Variants in AP3M1 observed in about 807,000 individuals in gnomAD.
AP3M1 encodes AP-3 complex subunit mu-1.
A neutral mutation model predicts 42.6 loss-of-function variants in AP3M1; 29 were observed. The observed-to-expected ratio is 0.68, with a 90% CI of 0.51 to 0.93. AP3M1 has a LOEUF of 0.93. AP3M1 is among the 40% of genes least tolerant of loss of function. AP3M1 has a pLI of 0.00. For synonymous variants in AP3M1, 178 were observed against 175.3 expected (o/e 1.02, Z -0.12); for missense variants, 416 against 510.2 (o/e 0.82, Z 1.78).
intron 1 of AP3M1, among the ~76,000 whole-genome samples, chr10:74,147,200 G>A (rs1223523473): frequency 6.6e-6 from 1 of 152,090 alleles, no homozygotes; most frequent in Non-Finnish European, 1.5e-5. Context: ...CAGGAGAATC[G>A]CTTGAACCCG....
intron 1 of AP3M1, among the ~76,000 whole-genome samples, chr10:74,139,683 C>T (rs553087818): frequency 1.3e-4 from 20 of 151,452 alleles, no homozygotes; most frequent in Admixed American, 6.6e-4. Flanking sequence ...TTTGGGAGGC[C>T]GAGGTGGGTG....
In AP3M1 at chr10:74,126,203, A is replaced by G; in HGVS notation, c.956T>C (p.Leu319Pro). Residue 319 changes from leucine to proline, a missense_variant, in exon 7 of 9, where the codon CTG (leucine) becomes CCG (proline). By Grantham distance (98) the Leu-to-Pro change is moderately conservative (BLOSUM62 -3). Coordinates refer to ENST00000355264, the MANE Select transcript of AP3M1 (RefSeq NM_012095.6). ...TTGTGTGGGTGTCAGGTTCATGTTC[A>G]GCACAACTTTTGGCATGTGAACTGT... is the stretch of plus-strand genomic sequence containing the variant. ...TVTVHMPKVVLNMNLTPTQGS... is the reference protein window; with the variant it reads ...TVTVHMPKVVPNMNLTPTQGS... 3 of 1,614,212 alleles carry G rather than the reference A, an allele frequency of 1.9e-6. No homozygotes were observed. Among genetic ancestry groups the G allele is most frequent in the South Asian group, 1.1e-5 (1 of 91,086 alleles).
intron 1 of AP3M1, among the ~76,000 whole-genome samples, chr10:74,141,061 C>A (rs73282424): frequency 6.6e-6 from 1 of 152,096 alleles, no homozygotes; most frequent in Non-Finnish European, 1.5e-5. Context: ...AGGACATTAT[C>A]AAGAAAGCAA....
At position 74,138,161 on chromosome 10, in the gene AP3M1, T is replaced by C. The variant is rs748246004; in HGVS notation, c.219A>G (p.Glu73=). The C allele has an allele frequency of 1.9e-6, 3 of 1,614,046 alleles. No individual in the cohort carries two copies. In the African/African-American group the frequency reaches 4.0e-5, roughly 22 times the overall value. ...ACTCAATTACAAAGAGAGGTGGCAC[T>C]TCGGTCTGTATGACAGATACAAAGA... ...KLFFVSVIQT[E]VPPLFVIEFL... Residue 73 remains glutamate (E), a synonymous_variant, in exon 2 of 9, where the codon GAA becomes GAG. Coordinates refer to ENST00000355264, the MANE Select transcript of AP3M1 (RefSeq NM_012095.6).
At chr10:74,133,804 G>A (rs1413647661) in intron 4 of AP3M1, among the ~76,000 whole-genome samples, 5 of 151,522 alleles carry the variant, frequency 3.3e-5, no homozygotes, top group Non-Finnish European at 7.4e-5. Flanking sequence ...ACAGGTGCGC[G>A]CCACCATGCC....
chr10:74,143,348 C>A (rs966864154), intron 1 of AP3M1, among the ~76,000 whole-genome samples: 2 of 152,162 alleles, frequency 1.3e-5, no homozygotes, highest in African/African-American at 2.4e-5. Context: ...CTCCCATGGG[C>A]AAGCAATTCT....
intron 6 of AP3M1, among the ~76,000 whole-genome samples, chr10:74,126,715 G>A (rs759165080): frequency 3.3e-5 from 5 of 151,858 alleles, no homozygotes; most frequent in African/African-American, 7.3e-5. Flanking sequence ...AGGGCTGGGC[G>A]CGGTGGCTCA....
chr10:74,127,173 G>C (rs1001971386), intron 6 of AP3M1, among the ~76,000 whole-genome samples: 1 of 151,928 alleles, frequency 6.6e-6, no homozygotes, highest in African/African-American at 2.4e-5. Flanking sequence ...TAAGGGACTC[G>C]AGCATCTGCT....
Position 74,134,082 on chromosome 10 carries a change from G to A in AP3M1, c.528C>T (p.Asn176=). 6.2e-7 allele frequency: 1 copy of A among 1,614,124 alleles called. No homozygotes were observed. The highest frequency in any genetic ancestry group is 8.5e-7 in the Non-Finnish European group (1 of 1,179,996). ...PWRRAGVKYT[N]NEAYFDVVEE... is the part of the protein sequence containing the mutation. ...CAACAACATCAAAATAGGCTTCATT[G>A]TTTGTGTACTTTACCCCTGCCCGAC... The change falls in exon 4 of 9, where the codon AAC becomes AAT. Residue 176 remains asparagine, a synonymous_variant. Transcript: ENST00000355264.
rs749769264 is a variant in AP3M1, at chr10:74,126,226, T to C, written c.933A>G (p.Thr311=). The C allele has an allele frequency of 1.2e-6, 2 of 1,614,132 alleles. No homozygotes were observed. The highest frequency in any genetic ancestry group is 1.7e-6 in the Non-Finnish European group (2 of 1,180,052). ...MGKTIEGITV[T]VHMPKVVLNM... ...TCAGCACAACTTTTGGCATGTGAAC[T>C]GTCACTGTAATTCCTTCAATAGTTT... The change falls in exon 7 of 9, where the codon ACA becomes ACG. Residue 311 remains threonine (T), a synonymous_variant. Transcript: ENST00000355264.
chr10:74,130,555 C>T (rs900433486), intron 4 of AP3M1, among the ~76,000 whole-genome samples: 2 of 151,912 alleles, frequency 1.3e-5, no homozygotes, highest in Non-Finnish European at 2.9e-5. Flanking sequence ...ATCCTCCCAC[C>T]TCAGCCTCCC....
At position 74,134,025 on chromosome 10, in the gene AP3M1, A is replaced by G. The variant is rs1395177001; in HGVS notation, c.583+2T>C. The G allele has an allele frequency of 6.2e-7, 1 of 1,613,756 alleles. No individual in the cohort carries two copies. On this transcript the variant is annotated splice_donor_variant, in intron 4 of 8. Coordinates refer to ENST00000355264, the MANE Select transcript of AP3M1 (RefSeq NM_012095.6). LOFTEE classifies it high-confidence loss of function. The stretch of plus-strand genomic sequence containing the variant: ...CAAATAAGATGACATGCACACAATT[A>G]CCTGATTTATCTATAATTGCGTCTA...
chr10:74,136,726 T>C lies in AP3M1; in HGVS notation c.351A>G (p.Leu117=). Residue 117 remains leucine (L), a synonymous_variant, in exon 3 of 9, where the codon TTA becomes TTG. Transcript: ENST00000355264. ...VIVYELLEEM[L]DNGFPLATES... ...CGGTAGCCAGTGGAAATCCATTGTCTAACATTTCTTCTAAGAGTTCATATA... is the reference window on the plus strand; with the variant it reads ...CGGTAGCCAGTGGAAATCCATTGTCCAACATTTCTTCTAAGAGTTCATATA... 2 of 1,594,734 alleles carry C rather than the reference T, an allele frequency of 1.3e-6. No individual in the cohort carries two copies. The highest frequency in any genetic ancestry group is 1.7e-6 in the Non-Finnish European group (2 of 1,165,432).
rs1320730826 is a variant in AP3M1, at chr10:74,136,644, T to A, written c.433A>T (p.Asn145Tyr). Residue 145 changes from asparagine (N) to tyrosine (Y), a missense_variant, in exon 3 of 9, where the codon AAC becomes TAC. Physicochemically the swap from Asn to Tyr is moderately radical, Grantham distance 143. Transcript: ENST00000355264. ...KPPTILRSVVNSITGSSNVGD... is the reference protein window; with the variant it reads ...KPPTILRSVVYSITGSSNVGD... ...GTTTTCATCTTACCTGTAATAGAGT[T>A]GACAACAGAGCGTAGAATTGTTGGT... is the stretch of plus-strand genomic sequence containing the variant. 2 of 1,567,920 alleles carry A rather than the reference T, an allele frequency of 1.3e-6. No individual in the cohort carries two copies. Among genetic ancestry groups the A allele is most frequent in the East Asian group, 4.6e-5 (2 of 43,918 alleles).
intron 3 of AP3M1, among the ~76,000 whole-genome samples, chr10:74,136,067 C>T (rs956236339): frequency 1.3e-5 from 2 of 152,202 alleles, no homozygotes; most frequent in African/African-American, 4.8e-5. Flanking sequence ...TTAAACCCAG[C>T]TGGAAGCTTA....
At chr10:74,128,989 G>A in intron 6 of AP3M1, 119 bp downstream of exon 6, 1 of 1,222,038 alleles carries the variant, frequency 8.2e-7, no homozygotes. Context: ...GTCTCCTGGT[G>A]AGCTATGGTT....
At chr10:74,131,033 A>G (rs1175547528) in intron 4 of AP3M1, among the ~76,000 whole-genome samples, 1 of 152,080 alleles carries the variant, frequency 6.6e-6, no homozygotes, top group Non-Finnish European at 1.5e-5. Flanking sequence ...AATCGCTTGA[A>G]CGTAGAAGGC....
chr10:74,143,258 T>C (rs1355485152), intron 1 of AP3M1, among the ~76,000 whole-genome samples: 1 of 152,138 alleles, frequency 6.6e-6, no homozygotes, highest in East Asian at 1.9e-4. Flanking sequence ...ACAAAGCTTG[T>C]TTGTTTGTTT....
chr10:74,133,321 G>C (rs762024909), intron 4 of AP3M1, among the ~76,000 whole-genome samples: 92 of 151,990 alleles, frequency 6.1e-4, no homozygotes, highest in Non-Finnish European at 1.0e-3. Context: ...TTGAACCCGG[G>C]AGGCGGAGGT....
Sources: gnomAD v4.1 joint callset for allele counts (sites outside exome capture counted in the v4.1 genomes callset) on GRCh38, gnomAD v4.1.1 for gene constraint, MANE v1.5 for transcripts, NCBI Gene and HGNC (gene_info 2026-07-23, HGNC 2026-07-21) for gene names.